SLA2: variants seen among roughly 807,000 people sequenced by gnomAD.
SLA2 encodes Src like adaptor 2.
Under a neutral mutation model 27.3 loss-of-function variants are expected in SLA2, and 22 were observed. The ratio of observed to expected loss-of-function variants is 0.81; its 90% confidence interval spans 0.58 to 1.15. The LOEUF (loss-of-function observed/expected upper bound fraction) is 1.15, where lower values mean the gene tolerates loss of function less well. SLA2 is among the 50% of genes most tolerant of loss of function. The probability of loss-of-function intolerance (pLI) is 0.00; values close to 1 mark genes in which losing one functional copy is unlikely to be tolerated. For synonymous variants in SLA2, 131 were observed against 137.8 expected, an observed-to-expected ratio of 0.95 and a Z score of 0.34; for missense variants, 304 against 322.2, an observed-to-expected ratio of 0.94 and a Z score of 0.43.
chr20:36,616,831 G>A (rs532297805), intron 5 of SLA2, among the ~76,000 whole-genome samples: 1 of 152,242 alleles, frequency 6.6e-6, no homozygotes, highest in Non-Finnish European at 1.5e-5. Flanking sequence ...AGTGGCTCAC[G>A]CCTGTAATCC....
chr20:36,633,615 C>T lies in SLA2; in HGVS notation c.206G>A (p.Trp69Ter). The T allele has an allele frequency of 1.2e-6, 2 of 1,613,784 alleles. No individual in the cohort carries two copies. Among genetic ancestry groups the T allele is most frequent in the Non-Finnish European group, 1.7e-6 (2 of 1,179,790 alleles). ...LTIVSEDGDW[W>*]TVLSEVSGRE... The stretch of plus-strand genomic sequence containing the variant: ...GCCTGAGACTTCAGACAGCACCGTC[C>T]ACCAGTCTCCATCCCTGGAGAGAGA... The change falls in exon 4 of 8, where the codon TGG (tryptophan) becomes TAG (stop). Residue 69 changes from tryptophan (W) to a stop codon, truncating the protein, a stop_gained. Transcript: ENST00000262866. LOFTEE classifies it high-confidence loss of function.
intron 5 of SLA2, among the ~76,000 whole-genome samples, chr20:36,615,685 C>T (rs905699294): frequency 6.6e-6 from 1 of 152,114 alleles, no homozygotes; most frequent in Non-Finnish European, 1.5e-5. Flanking sequence ...TGCAAAAACA[C>T]TGTCAAGAAG....
rs1363434180 is a variant in SLA2 at position 36,619,456 on chromosome 20, C to T, written c.383-4082G>A. ...CAGGAGGATTGCTTGAACCTGGGAG[C>T]AGGAGGTTGCAGTGAGCCAAGATCA... On this transcript the variant is annotated intron_variant, in intron 5 of 7. Coordinates refer to ENST00000262866, the MANE Select transcript of SLA2 (RefSeq NM_032214.4). 2.1e-5 allele frequency among the ~76,000 whole-genome samples: 3 copies of T among 143,788 alleles called. No homozygotes were observed. The Admixed American group carries it at 2.1e-4, about 10-fold the overall frequency. 94.3% of individuals were successfully genotyped at this position (143,788 alleles called of 152,430 possible). A position where few individuals can be genotyped will look rare whatever the true frequency, so the allele number is the denominator to read the frequency against.
At chr20:36,617,303 TG>T (rs2039224601) in intron 5 of SLA2, among the ~76,000 whole-genome samples, 1 of 149,994 alleles carries the variant, frequency 6.7e-6, no homozygotes. Flanking sequence ...GGAGACAGGT[TG>T]CAGTGAGCCG....
intron 2 of SLA2, among the ~76,000 whole-genome samples, chr20:36,635,138 G>A (rs931586436): frequency 7.9e-5 from 12 of 151,906 alleles, no homozygotes; most frequent in Non-Finnish European, 1.5e-4. Context: ...CAGCACCCAC[G>A]CCCTCAGCCA....
At chr20:36,617,977 C>A (rs1427620048) in intron 5 of SLA2, among the ~76,000 whole-genome samples, 1 of 150,408 alleles carries the variant, frequency 6.6e-6, no homozygotes, top group Non-Finnish European at 1.5e-5. Context: ...GAAACCCTGG[C>A]TCTACTAAAA....
intron 5 of SLA2, among the ~76,000 whole-genome samples, chr20:36,615,633 T>C (rs941957737): frequency 9.9e-5 from 15 of 152,144 alleles, no homozygotes; most frequent in African/African-American, 3.6e-4. Context: ...ACATTCAGCG[T>C]TGGCTGTTCT....
At chr20:36,638,103 G>C (rs1022803207) in intron 2 of SLA2, among the ~76,000 whole-genome samples, 2 of 151,710 alleles carry the variant, frequency 1.3e-5, no homozygotes, top group Non-Finnish European at 2.9e-5. Flanking sequence ...ATGTTGGTCA[G>C]GTTGGTCTTG....
intron 5 of SLA2, among the ~76,000 whole-genome samples, chr20:36,629,213 C>T (rs773438249): frequency 3.3e-4 from 50 of 152,122 alleles, no homozygotes; most frequent in Admixed American, 5.2e-4. Context: ...CAGGCACCTG[C>T]CACCATGCCC....
chr20:36,636,198 A>C (rs2147993564), intron 2 of SLA2, among the ~76,000 whole-genome samples: 1 of 150,472 alleles, frequency 6.6e-6, no homozygotes. Flanking sequence ...CGGGTGGATC[A>C]TGAGGTCAGG....
intron 2 of SLA2, among the ~76,000 whole-genome samples, chr20:36,639,095 C>G (rs756698707): frequency 5.9e-5 from 9 of 152,184 alleles, no homozygotes; most frequent in Non-Finnish European, 1.2e-4. Context: ...ATCTGCCCGC[C>G]TCGGCCTCCC....
chr20:36,641,709 C>T (rs1327059255), intron 1 of SLA2, among the ~76,000 whole-genome samples: 4 of 152,122 alleles, frequency 2.6e-5, no homozygotes, highest in African/African-American at 9.7e-5. Context: ...AGCCTCCCAG[C>T]CCCTAGCCTT....
At chr20:36,643,368 G>A (rs1370826562) in intron 1 of SLA2, among the ~76,000 whole-genome samples, 1 of 152,202 alleles carries the variant, frequency 6.6e-6, no homozygotes, top group Non-Finnish European at 1.5e-5. Context: ...CAGTTCAGCT[G>A]ATATTCATGG....
intron 3 of SLA2, among the ~76,000 whole-genome samples, chr20:36,634,219 C>T (rs2039420828): frequency 6.6e-6 from 1 of 152,088 alleles, no homozygotes; most frequent in Non-Finnish European, 1.5e-5. Context: ...TTCCTGACCT[C>T]AGGTGATCTG....
chr20:36,636,623 A>AAAAAAAATATAT (rs1387991352), intron 2 of SLA2, among the ~76,000 whole-genome samples: 4 of 114,712 alleles, frequency 3.5e-5, no homozygotes, highest in Non-Finnish European at 4.9e-5. Flanking sequence ...AAAAAAAAAA[A>AAAAAAAATATAT]ATATATATAT....
At chr20:36,637,624 C>CTTTTTTTTTTTT (rs36100264) in intron 2 of SLA2, among the ~76,000 whole-genome samples, 1 of 80,944 alleles carries the variant, frequency 1.2e-5, no homozygotes, top group Non-Finnish European at 2.2e-5. Flanking sequence ...GTGAAGTTTG[C>CTTTTTTTTTTTT]TTTTTTTTTT....
rs35436767 is a variant in SLA2, at chr20:36,618,906, CAAAAAAAAAAAAAAAA to C, written c.383-3548_383-3533del. Among the ~76,000 whole-genome samples, 5 of 40,368 alleles carry C rather than the reference CAAAAAAAAAAAAAAAA, an allele frequency of 1.2e-4. 1 individual carries two copies. Among genetic ancestry groups the C allele is most frequent in the Middle Eastern group, 0.067 (2 of 30 alleles). The allele number at this position is 40,368 out of a possible 152,430, so 26.5% of individuals were successfully genotyped here. On this transcript the variant is annotated intron_variant, in intron 5 of 7. Transcript: ENST00000262866. ...TAGGGAACAAGAGTGAACTCCATCT[CAAAAAAAAAAAAAAAA>C]AAAAAAAAAAAAGTATCTAGAAGCC...
At position 36,637,993 on chromosome 20, in the gene SLA2, G is replaced by A. The variant is rs886553544; in HGVS notation, c.91+3252C>T. On this transcript the variant is annotated intron_variant, in intron 2 of 7. Coordinates refer to ENST00000262866, the MANE Select transcript of SLA2 (RefSeq NM_032214.4). Reference sequence around the variant, plus strand: ...AACCTCCACCTCCTCCTGGGTTCAAGTGATTCTCCTGCCTCAGCCTCCCGA... The same window carrying A: ...AACCTCCACCTCCTCCTGGGTTCAAATGATTCTCCTGCCTCAGCCTCCCGA... Among the ~76,000 whole-genome samples, 5 of 149,028 alleles carry A rather than the reference G, an allele frequency of 3.4e-5. No homozygotes were observed. The East Asian group carries it at 8.0e-4, about 24-fold the overall frequency.
At chr20:36,614,509 A>G in intron 6 of SLA2, 72 bp from the exon 7 acceptor site, 1 of 1,518,932 alleles carries the variant, frequency 6.6e-7, no homozygotes, top group Non-Finnish European at 8.8e-7. Context: ...TCACCCTGAC[A>G]GCCCTCTGCA....
Sources: allele counts gnomAD v4.1 joint callset (sites outside exome capture counted in the v4.1 genomes callset), GRCh38; gene constraint gnomAD v4.1.1; transcripts MANE v1.5; gene names NCBI Gene and HGNC (gene_info 2026-07-23, HGNC 2026-07-21).